The following ARID5B variants were observed in gnomAD, a reference collection of about 807,000 sequenced individuals.
ARID5B encodes AT-rich interaction domain 5B.
In ARID5B, 13 loss-of-function variants were observed where a neutral mutation model predicts 97.2. The observed-to-expected ratio is 0.13, with a 90% CI of 0.09 to 0.21. The LOEUF (loss-of-function observed/expected upper bound fraction) is 0.21. Among genes scored for constraint, ARID5B ranks in the 10% least tolerant of loss-of-function variants. The pLI is 1.00. For missense variants in ARID5B, 1,210 were observed against 1,465.3 expected (o/e 0.83, Z 2.84); for synonymous variants, 556 against 570.3 (o/e 0.97, Z 0.36).
Position 62,000,292 on chromosome 10 carries a change from T to C in ARID5B, c.704T>C (p.Ile235Thr), listed in dbSNP as rs1016216781. 2.5e-5 allele frequency: 40 copies of C among 1,612,374 alleles called. No individual in the cohort carries two copies. Among genetic ancestry groups the C allele is most frequent in the Non-Finnish European group, 3.3e-5 (39 of 1,179,350 alleles). The change falls in exon 4 of 10, where the codon ATA becomes ACA. Residue 235 changes from isoleucine (I) to threonine (T), a missense_variant. Physicochemically the swap from Ile to Thr is moderately conservative, Grantham distance 89 (BLOSUM62 -1). This residue lies in a region of ARID5B where 132 missense variants were observed against 156.7 expected (regional missense o/e 0.84). Transcript: ENST00000279873. This position sits in a 1 kb window ranked among gnomAD's most constrained non-coding sequence, Gnocchi z 4.4. Reference sequence around the variant, plus strand: ...GACACCTTTGACCACCCGACTCTCATAGAAAACGAGAGTATATGCGATGAG... The same window carrying C: ...GACACCTTTGACCACCCGACTCTCACAGAAAACGAGAGTATATGCGATGAG... The part of the protein sequence containing the change: ...CRDTFDHPTL[I>T]ENESICDEFA...
intron 4 of ARID5B, among the ~76,000 whole-genome samples, chr10:62,044,539 C>G (rs879779384): frequency 7.2e-5 from 11 of 152,058 alleles, no homozygotes; most frequent in Non-Finnish European, 1.5e-4. Flanking sequence ...TGCCACCACA[C>G]CCAACTAATT....
chr10:62,024,497 G>A (rs1174578369), intron 4 of ARID5B, among the ~76,000 whole-genome samples: 2 of 152,246 alleles, frequency 1.3e-5, no homozygotes, highest in East Asian at 3.9e-4. Flanking sequence ...AGCTGATAAG[G>A]GCAAACCATT....
At chr10:61,991,653 T>A (rs1838927124) in intron 3 of ARID5B, among the ~76,000 whole-genome samples, 1 of 152,224 alleles carries the variant, frequency 6.6e-6, no homozygotes, top group Non-Finnish European at 1.5e-5. Context: ...TGTCCATTGA[T>A]GCACAAAAGC....
At chr10:62,022,998 G>A (rs1839375720) in intron 4 of ARID5B, among the ~76,000 whole-genome samples, 1 of 152,120 alleles carries the variant, frequency 6.6e-6, no homozygotes, top group South Asian at 2.1e-4. Context: ...CTGGAAACAA[G>A]TCAAAGAAAC....
At chr10:61,982,682 G>A (rs1357201639) in intron 3 of ARID5B, among the ~76,000 whole-genome samples, 4 of 152,202 alleles carry the variant, frequency 2.6e-5, no homozygotes, top group Admixed American at 2.6e-4. Context: ...CCACTAACTT[G>A]TGCATGAGAA....
intron 4 of ARID5B, among the ~76,000 whole-genome samples, chr10:62,023,902 T>G (rs1388945823): frequency 6.6e-6 from 1 of 152,166 alleles, no homozygotes; most frequent in Non-Finnish European, 1.5e-5. Context: ...GTCACATACG[T>G]GTAGATAAAG....
chr10:61,915,837 C>A (rs534158526), intron 2 of ARID5B, among the ~76,000 whole-genome samples: 8 of 152,294 alleles, frequency 5.3e-5, no homozygotes, highest in South Asian at 2.1e-4. Flanking sequence ...CTCACTGCAA[C>A]CTTCACCTCC....
At chr10:61,993,132 C>T (rs1333556904) in intron 3 of ARID5B, among the ~76,000 whole-genome samples, 1 of 151,834 alleles carries the variant, frequency 6.6e-6, no homozygotes, top group Non-Finnish European at 1.5e-5. Flanking sequence ...CACACACACA[C>T]ACACACACAC....
chr10:61,946,563 A>G (rs982148624), intron 3 of ARID5B, among the ~76,000 whole-genome samples: 3 of 152,202 alleles, frequency 2.0e-5, no homozygotes, highest in African/African-American at 4.8e-5. Flanking sequence ...TTTCTTAAAT[A>G]ATATATTGTT....
chr10:61,950,534 G>A (rs931604849), intron 3 of ARID5B, among the ~76,000 whole-genome samples: 1 of 152,216 alleles, frequency 6.6e-6, no homozygotes, highest in Non-Finnish European at 1.5e-5. Context: ...GCTGAGTTTG[G>A]TGACGCCCAA....
intron 2 of ARID5B, among the ~76,000 whole-genome samples, chr10:61,932,939 T>A (rs77991155): frequency 0.02 from 2,968 of 152,168 alleles, 120 homozygotes; most frequent in African/African-American, 0.068. Context: ...TAAAAATAAA[T>A]TTAAAAATTT....
chr10:62,026,739 A>T (rs550520160), intron 4 of ARID5B, among the ~76,000 whole-genome samples: 23 of 152,176 alleles, frequency 1.5e-4, no homozygotes, highest in Non-Finnish European at 2.9e-4. Flanking sequence ...TGCTCTAAAT[A>T]TGTTGACTAA....
At chr10:62,042,835 A>T (rs1471653164) in intron 4 of ARID5B, among the ~76,000 whole-genome samples, 4 of 151,440 alleles carry the variant, frequency 2.6e-5, no homozygotes, top group Non-Finnish European at 5.9e-5. Context: ...GGATGGTGTG[A>T]ACCTGGGAGG....
intron 8 of ARID5B, among the ~76,000 whole-genome samples, chr10:62,076,079 A>G (rs1840128737): frequency 6.6e-6 from 1 of 152,222 alleles, no homozygotes; most frequent in Admixed American, 6.5e-5. Context: ...CTAAAGGAAC[A>G]GGATGCTGCT....
rs1460795394 is a variant in ARID5B, at chr10:62,090,945, G to T, written c.1482G>T (p.Lys494Asn). ...IPEPLPAADM[K>N]KKIEGYQEFS... ...AGCCTCTCCCAGCAGCAGACATGAA[G>T]AAAAAAATAGAAGGGTATCAGGAAT... The change falls in exon 10 of 10, where the codon AAG (lysine) becomes AAT (asparagine). Residue 494 changes from lysine (K) to asparagine (N), a missense_variant. Transcript: ENST00000279873. 1 of 1,613,910 alleles carries T rather than the reference G, an allele frequency of 6.2e-7. No individual in the cohort carries two copies. The highest frequency in any genetic ancestry group is 2.2e-5 in the East Asian group (1 of 44,874).
chr10:61,980,625 G>T (rs1044893272), intron 3 of ARID5B, among the ~76,000 whole-genome samples: 1 of 152,186 alleles, frequency 6.6e-6, no homozygotes. Flanking sequence ...AAAAATAGCT[G>T]CTGATCTCAT....
chr10:62,086,853 C>T (rs1468293728), intron 9 of ARID5B, among the ~76,000 whole-genome samples: 4 of 141,322 alleles, frequency 2.8e-5, no homozygotes, highest in Admixed American at 1.4e-4. Context: ...AGAGTGAAGC[C>T]GTGTCTCAAA....
At chr10:61,905,554 A>C (rs189899543) in intron 2 of ARID5B, among the ~76,000 whole-genome samples, 1 of 152,174 alleles carries the variant, frequency 6.6e-6, no homozygotes, top group East Asian at 1.9e-4. Context: ...TAGACTCGGA[A>C]AGGTTATGTG....
In ARID5B at chr10:62,094,680, A is replaced by G. The variant is rs777227201; in HGVS notation, c.*1650A>G. The G allele has an allele frequency of 8.7e-6, 2 of 231,108 alleles. No homozygotes were observed. Among genetic ancestry groups the G allele is most frequent in the Non-Finnish European group, 1.7e-5 (2 of 116,728 alleles). 14.3% of individuals were successfully genotyped at this position (231,108 alleles called of 1,614,324 possible). On this transcript the variant is annotated 3_prime_UTR_variant, in exon 10 of 10. Transcript: ENST00000279873. ...TAAGGTGGACACATTTTCTAACTGT[A>G]TTAATTAAAAGTCAATGGATACAGA...
Sources: gnomAD v4.1 joint callset for allele counts (sites outside exome capture counted in the v4.1 genomes callset) on GRCh38, gnomAD v4.1.1 for gene constraint, gnomAD v4.1.1 regional missense constraint, Gnocchi (gnomAD v3.1) non-coding constraint, MANE v1.5 for transcripts, NCBI Gene and HGNC (gene_info 2026-07-23, HGNC 2026-07-21) for gene names.